FOXP1: variants seen among roughly 807,000 people sequenced by gnomAD.
The protein encoded by FOXP1 is forkhead box P1.
Under a neutral mutation model 98.2 loss-of-function variants are expected in FOXP1, and 15 were observed. The observed-to-expected ratio is 0.15, with a 90% CI of 0.10 to 0.24. The LOEUF is 0.24. Ranked by LOEUF, FOXP1 falls within the 10% of genes least tolerant of loss-of-function variation. The pLI is 1.00. For synonymous variants in FOXP1, 371 were observed against 314.5 expected (o/e 1.18, Z -1.90); for missense variants, 633 against 848.5 (o/e 0.75, Z 3.15).
At chr3:71,388,300 G>A (rs546002775) in intron 3 of FOXP1, among the ~76,000 whole-genome samples, 2 of 152,092 alleles carry the variant, frequency 1.3e-5, no homozygotes, top group Non-Finnish European at 2.9e-5. Flanking sequence ...AATGTTAAAC[G>A]GCCCAATTGT....
intron 20 of FOXP1, among the ~76,000 whole-genome samples, chr3:70,962,937 A>T (rs1044210024): frequency 2.6e-5 from 4 of 152,224 alleles, no homozygotes; most frequent in Admixed American, 6.5e-5. Context: ...CACAGTTCAC[A>T]ACATCAGAGA....
chr3:71,516,904 G>A (rs1043561809), intron 2 of FOXP1, among the ~76,000 whole-genome samples: 2 of 152,110 alleles, frequency 1.3e-5, no homozygotes, highest in African/African-American at 2.4e-5. Flanking sequence ...TTAGCCAATC[G>A]ACACATACGC....
At chr3:71,303,160 T>C (rs1399198451) in intron 4 of FOXP1, among the ~76,000 whole-genome samples, 1 of 152,210 alleles carries the variant, frequency 6.6e-6, no homozygotes, top group Non-Finnish European at 1.5e-5. Flanking sequence ...CTTCCCTTTC[T>C]TGACAGCTAA....
chr3:71,379,333 T>A (rs945764051), intron 3 of FOXP1, among the ~76,000 whole-genome samples: 2 of 152,184 alleles, frequency 1.3e-5, no homozygotes, highest in African/African-American at 4.8e-5. Flanking sequence ...AGGAAGTTGT[T>A]CTCTTTTCAA....
intron 3 of FOXP1, among the ~76,000 whole-genome samples, chr3:71,465,678 T>A (rs577876985): frequency 7.2e-5 from 11 of 152,174 alleles, no homozygotes; most frequent in African/African-American, 2.6e-4. Context: ...TCTAAGAGTT[T>A]AAAAAAAGAG....
chr3:71,390,125 A>T (rs2080921439), intron 3 of FOXP1, among the ~76,000 whole-genome samples: 1 of 152,190 alleles, frequency 6.6e-6, no homozygotes, highest in South Asian at 2.1e-4. Context: ...GTAGTGTCAG[A>T]GCTACTGTAA....
At chr3:71,377,081 C>T (rs764437831) in intron 3 of FOXP1, among the ~76,000 whole-genome samples, 27 of 152,162 alleles carry the variant, frequency 1.8e-4, no homozygotes, top group African/African-American at 4.3e-4. Flanking sequence ...GGTGTTAAAA[C>T]GTGAGTCAAT....
intron 3 of FOXP1, among the ~76,000 whole-genome samples, chr3:71,417,089 G>A (rs182837286): frequency 5.9e-5 from 9 of 152,236 alleles, no homozygotes; most frequent in Admixed American, 3.9e-4. Flanking sequence ...AAAACTAGAG[G>A]AGGTCCTTAC....
rs536037892 is a variant in FOXP1, at chr3:70,967,760, C to T, written c.1723-1704G>A. Among the ~76,000 whole-genome samples the T allele has an allele frequency of 1.1e-3, 116 of 104,184 alleles. 1 individual carries two copies. Among genetic ancestry groups the T allele is most frequent in the South Asian group, 1.6e-3 (5 of 3,060 alleles). The allele number at this position is 104,184 out of a possible 152,430, so 68.3% of individuals were successfully genotyped here. A position where few individuals can be genotyped will look rare whatever the true frequency, so the allele number is the denominator to read the frequency against. ...TGCAGTTGGACAAGCATCTTAACTG[C>T]TTTTATCTGAGAGAGGTGTGACCAC... On this transcript the variant is annotated intron_variant, in intron 19 of 20. Transcript: ENST00000649528.
chr3:70,979,279 CAAAAAA>C (rs544916383), intron 14 of FOXP1, among the ~76,000 whole-genome samples: 280 of 42,342 alleles, frequency 6.6e-3, no homozygotes, highest in African/African-American at 0.027. Context: ...GACTCTACCT[CAAAAAA>C]AAAAAAAAAA....
chr3:71,069,403 G>A (rs2052948817), intron 7 of FOXP1, among the ~76,000 whole-genome samples: 1 of 152,142 alleles, frequency 6.6e-6, no homozygotes, highest in African/African-American at 2.4e-5. Context: ...AAAGAAAAAT[G>A]ACAACATCCT....
At chr3:70,998,975 G>A (rs898162589) in intron 13 of FOXP1, among the ~76,000 whole-genome samples, 6 of 152,240 alleles carry the variant, frequency 3.9e-5, no homozygotes, top group Non-Finnish European at 2.9e-5. Context: ...TCTAGTCAAC[G>A]ATTTATTTTA....
chr3:71,583,364 G>T (rs1380478924), intron 1 of FOXP1: 8 of 788,004 alleles, frequency 1.0e-5, no homozygotes, highest in Non-Finnish European at 1.2e-5. Context: ...GACCCGGGGG[G>T]GAGAGGAAGA....
In FOXP1 at chr3:71,291,972, T is replaced by C. The variant is rs377531137; in HGVS notation, c.-12+7848A>G. Among the ~76,000 whole-genome samples, 28 of 152,306 alleles carry C rather than the reference T, an allele frequency of 1.8e-4. 1 individual carries two copies. In the East Asian group the frequency reaches 3.5e-3, roughly 19 times the overall value. On this transcript the variant is annotated intron_variant, in intron 5 of 20. Coordinates refer to ENST00000649528, the MANE Select transcript of FOXP1 (RefSeq NM_001349338.3). ...TGCCTGCCTCGGCCTCCCAAAGTGCTGGGATTACAGGCCTGAGCGACTGTG... is the reference window on the plus strand; with the variant it reads ...TGCCTGCCTCGGCCTCCCAAAGTGCCGGGATTACAGGCCTGAGCGACTGTG...
intron 20 of FOXP1, among the ~76,000 whole-genome samples, chr3:70,961,679 C>A (rs768348097): frequency 2.0e-5 from 3 of 151,664 alleles, no homozygotes; most frequent in Non-Finnish European, 4.4e-5. Context: ...AGAATTAGGA[C>A]TGGCTGCATA....
chr3:71,496,944 C>T (rs887008415), intron 2 of FOXP1, among the ~76,000 whole-genome samples: 7 of 129,660 alleles, frequency 5.4e-5, no homozygotes, highest in African/African-American at 2.0e-4. Context: ...GGGTGAATCA[C>T]CACTGTGGTG....
At chr3:71,472,525 A>G (rs1245799060) in intron 3 of FOXP1, among the ~76,000 whole-genome samples, 1 of 151,904 alleles carries the variant, frequency 6.6e-6, no homozygotes, top group Non-Finnish European at 1.5e-5. Context: ...GATACACGCT[A>G]TTTCACTTCA....
rs541582602 is a variant in FOXP1, at chr3:71,513,422, G to C, written c.-297-19867C>G. ...TCTGCCTTCAAAACAGATATAAAAA[G>C]CCAGTACTCCCCTCCTTCGCTACCA... On this transcript the variant is annotated intron_variant, in intron 2 of 20. Coordinates refer to ENST00000649528, the MANE Select transcript of FOXP1 (RefSeq NM_001349338.3). Among the ~76,000 whole-genome samples the C allele has an allele frequency of 3.4e-4, 51 of 152,106 alleles. No individual in the cohort carries two copies. In the South Asian group the frequency reaches 0.01, roughly 31 times the overall value.
chr3:71,256,287 A>T (rs1165380714), intron 5 of FOXP1, among the ~76,000 whole-genome samples: 1 of 150,058 alleles, frequency 6.7e-6, no homozygotes, highest in African/African-American at 2.5e-5. Context: ...TCTCCAATCA[A>T]CTCCACTATT....
Sources: allele counts gnomAD v4.1 joint callset (sites outside exome capture counted in the v4.1 genomes callset), GRCh38; gene constraint gnomAD v4.1.1; transcripts MANE v1.5; gene names NCBI Gene and HGNC (gene_info 2026-07-23, HGNC 2026-07-21).